Variants in ZBTB44 observed in about 807,000 individuals in gnomAD.
ZBTB44 encodes zinc finger and BTB domain-containing protein 44.
Under a neutral mutation model 54.0 loss-of-function variants are expected in ZBTB44, and 15 were observed. The ratio of observed to expected loss-of-function variants is 0.28; its 90% CI spans 0.19 to 0.43. The LOEUF is 0.43. ZBTB44 is among the 20% of genes least tolerant of loss of function. ZBTB44 has a pLI of 1.00. For synonymous variants in ZBTB44, 230 were observed against 250.1 expected (o/e 0.92, Z 0.76); for missense variants, 487 against 707.1 (o/e 0.69, Z 3.53).
At chr11:130,267,965 C>T (rs545022981) in intron 1 of ZBTB44, among the ~76,000 whole-genome samples, 38 of 151,234 alleles carry the variant, frequency 2.5e-4, no homozygotes, top group African/African-American at 7.3e-4. Context: ...CCCAGCTACT[C>T]GGGAGGCTGA....
At chr11:130,303,099 T>C (rs556922837) in intron 1 of ZBTB44, among the ~76,000 whole-genome samples, 1 of 152,344 alleles carries the variant, frequency 6.6e-6, no homozygotes, top group East Asian at 1.9e-4. Context: ...CTATTGGATA[T>C]GCTTATCTGC....
At chr11:130,255,156 T>C (rs886225622) in intron 2 of ZBTB44, among the ~76,000 whole-genome samples, 3 of 152,070 alleles carry the variant, frequency 2.0e-5, no homozygotes, top group Admixed American at 2.0e-4. Flanking sequence ...CACACCAACA[T>C]GGCACATGTA....
chr11:130,261,324 G>A lies in ZBTB44; in HGVS notation c.550C>T (p.Arg184Cys), dbSNP rs1938849493. Residue 184 changes from arginine (R) to cysteine (C), a missense_variant, in exon 2 of 8, where the codon CGC becomes TGC. Coordinates refer to ENST00000357899, the MANE Select transcript of ZBTB44 (RefSeq NM_001301098.2). This position sits in a 1 kb window ranked among gnomAD's most constrained non-coding sequence, Gnocchi z 4.8. ...GGAGACATAACAATGTAGCTTTTGCGCTTTCTCCGGGATTCTCGGCAGACA... is the reference window on the plus strand; with the variant it reads ...GGAGACATAACAATGTAGCTTTTGCACTTTCTCCGGGATTCTCGGCAGACA... ...IPVCRESRRKRKSYIVMSPES... is the reference protein window; with the variant it reads ...IPVCRESRRKCKSYIVMSPES... The A allele has an allele frequency of 1.9e-6, 3 of 1,613,832 alleles. No individual in the cohort carries two copies. The highest frequency in any genetic ancestry group is 1.7e-6 in the Non-Finnish European group (2 of 1,179,890).
intron 1 of ZBTB44, among the ~76,000 whole-genome samples, chr11:130,275,597 T>C (rs915952425): frequency 6.6e-6 from 1 of 152,208 alleles, no homozygotes; most frequent in African/African-American, 2.4e-5. Context: ...CTGCTTTTGA[T>C]TTCTAATTTC....
At chr11:130,311,410 T>C (rs1253141287) in intron 1 of ZBTB44, among the ~76,000 whole-genome samples, 1 of 152,070 alleles carries the variant, frequency 6.6e-6, no homozygotes. Context: ...GGTCTCATCA[T>C]GTTGCCCAGG....
chr11:130,229,095 C>T lies in ZBTB44; in HGVS notation c.*2669G>A, dbSNP rs1253267216. 2.6e-5 allele frequency: 4 copies of T among 152,028 alleles called. No homozygotes were observed. The highest frequency in any genetic ancestry group is 5.9e-5 in the Non-Finnish European group (4 of 68,004). 9.4% of individuals were successfully genotyped at this position (152,028 alleles called of 1,614,324 possible). On this transcript the variant is annotated 3_prime_UTR_variant, in exon 8 of 8. Coordinates refer to ENST00000357899, the MANE Select transcript of ZBTB44 (RefSeq NM_001301098.2). The stretch of plus-strand genomic sequence containing the variant: ...GGGGTTTACTTAAGTAAAAGTAGCA[C>T]AAACATTTCAAAGACAATCTCAATT...
chr11:130,230,081 G>T lies in ZBTB44; in HGVS notation c.*1683C>A, dbSNP rs1565637788. On this transcript the variant is annotated 3_prime_UTR_variant, in exon 8 of 8. Transcript: ENST00000357899. Reference sequence around the variant, plus strand: ...TTAGGATTATTCATTCAAGTAATAAGTCTCTGTTACAGAATTGCCACATTA... The same window carrying T: ...TTAGGATTATTCATTCAAGTAATAATTCTCTGTTACAGAATTGCCACATTA... 1 of 152,012 alleles carries T rather than the reference G, an allele frequency of 6.6e-6. No homozygotes were observed. Among genetic ancestry groups the T allele is most frequent in the East Asian group, 1.9e-4 (1 of 5,196 alleles). The allele number at this position is 152,012 out of a possible 1,614,324, so 9.4% of individuals were successfully genotyped here.
At chr11:130,236,026 T>C (rs180956365) in intron 5 of ZBTB44, 3 of 1,006,646 alleles carry the variant, frequency 3.0e-6, no homozygotes, top group East Asian at 1.5e-4. Context: ...TAAGGATTCC[T>C]ACAGAAGTAC....
intron 1 of ZBTB44, among the ~76,000 whole-genome samples, chr11:130,304,213 A>G (rs1942146534): frequency 6.6e-6 from 1 of 152,230 alleles, no homozygotes; most frequent in African/African-American, 2.4e-5. Context: ...TTAACAGGAG[A>G]TAAATTTTAA....
intron 2 of ZBTB44, among the ~76,000 whole-genome samples, chr11:130,241,909 T>C (rs1954382887): frequency 6.6e-6 from 1 of 152,232 alleles, no homozygotes. Flanking sequence ...GTATGTCATG[T>C]ATAAATACAT....
rs1036151348 is a variant in ZBTB44 at position 130,227,039 on chromosome 11, C to T, written c.*4725G>A. The T allele has an allele frequency of 1.3e-5, 2 of 152,020 alleles. No individual in the cohort carries two copies. The highest frequency in any genetic ancestry group is 4.8e-5 in the African/African-American group (2 of 41,378). The allele number at this position is 152,020 out of a possible 1,614,324, so 9.4% of individuals were successfully genotyped here. On this transcript the variant is annotated 3_prime_UTR_variant, in exon 8 of 8. Coordinates refer to ENST00000357899, the MANE Select transcript of ZBTB44 (RefSeq NM_001301098.2). Reference sequence around the variant, plus strand: ...CAGATTTGAAAAAACATGATATTCACATTGATTACAATAACCCTAAAAATG... The same window carrying T: ...CAGATTTGAAAAAACATGATATTCATATTGATTACAATAACCCTAAAAATG...
chr11:130,274,458 C>T (rs553286824), intron 1 of ZBTB44, among the ~76,000 whole-genome samples: 61 of 152,246 alleles, frequency 4.0e-4, no homozygotes, highest in Admixed American at 1.0e-3. Context: ...AGGGGAAATT[C>T]CCAGTCTGTT....
intron 1 of ZBTB44, among the ~76,000 whole-genome samples, chr11:130,305,376 C>A (rs1942210762): frequency 6.6e-6 from 1 of 152,136 alleles, no homozygotes; most frequent in South Asian, 2.1e-4. Context: ...GCTATAGTCA[C>A]CAAAACAGCA....
At chr11:130,312,107 T>C (rs542129326) in intron 1 of ZBTB44, among the ~76,000 whole-genome samples, 1 of 152,372 alleles carries the variant, frequency 6.6e-6, no homozygotes, top group South Asian at 2.1e-4. Flanking sequence ...ACATTTAATT[T>C]GCATTTTGGG....
At chr11:130,273,758 T>C (rs1462675746) in intron 1 of ZBTB44, among the ~76,000 whole-genome samples, 2 of 152,118 alleles carry the variant, frequency 1.3e-5, no homozygotes, top group African/African-American at 2.4e-5. Flanking sequence ...TATAAACAGG[T>C]TGAGTATCCC....
intron 1 of ZBTB44, among the ~76,000 whole-genome samples, chr11:130,270,219 A>T (rs1324782826): frequency 1.3e-5 from 2 of 152,248 alleles, no homozygotes; most frequent in African/African-American, 4.8e-5. Context: ...CTTTCAAAAG[A>T]TACTAACCAG....
At chr11:130,277,294 G>A (rs747378264) in intron 1 of ZBTB44, among the ~76,000 whole-genome samples, 1 of 152,116 alleles carries the variant, frequency 6.6e-6, no homozygotes, top group Non-Finnish European at 1.5e-5. Context: ...TTTAGTAGTT[G>A]CTCAAGGTTT....
intron 1 of ZBTB44, among the ~76,000 whole-genome samples, chr11:130,279,269 ACCAAGGTGTTAAACTC>A (rs1940337072): frequency 6.6e-6 from 1 of 150,932 alleles, no homozygotes; most frequent in South Asian, 2.1e-4. Flanking sequence ...CTCTTATCAC[ACCAAGGTGTTAAACTC>A]CACTAACTGT....
intron 1 of ZBTB44, among the ~76,000 whole-genome samples, chr11:130,287,938 GT>G (rs1941065352): frequency 7.0e-6 from 1 of 143,432 alleles, no homozygotes; most frequent in Non-Finnish European, 1.5e-5. Context: ...AGACAACATA[GT>G]TTTCAAGAAA....
Sources: allele counts gnomAD v4.1 joint callset (sites outside exome capture counted in the v4.1 genomes callset), GRCh38; gene constraint gnomAD v4.1.1; non-coding constraint Gnocchi (gnomAD v3.1); transcripts MANE v1.5; gene names NCBI Gene and HGNC (gene_info 2026-07-23, HGNC 2026-07-21).